WASF2: variants seen among roughly 807,000 people sequenced by gnomAD.
The protein encoded by WASF2 is actin-binding protein WASF2.
Under a neutral mutation model 45.0 loss-of-function variants are expected in WASF2, and 14 were observed. That is an observed-to-expected ratio of 0.31 (90% CI 0.21 to 0.49). The LOEUF is 0.49. WASF2 is among the 20% of genes least tolerant of loss of function. The pLI is 0.99. For synonymous variants in WASF2, 200 were observed against 236.3 expected (o/e 0.85, Z 1.41); for missense variants, 439 against 636.1 (o/e 0.69, Z 3.33).
intron 2 of WASF2, among the ~76,000 whole-genome samples, chr1:27,422,247 T>A (rs539667388): frequency 2.8e-4 from 43 of 152,252 alleles, no homozygotes; most frequent in Admixed American, 2.2e-3. Flanking sequence ...GTGTGAAGGC[T>A]TCCCCACTAT....
intron 4 of WASF2, 92 bp downstream of exon 4, chr1:27,418,177 A>G: frequency 7.0e-7 from 1 of 1,420,908 alleles, no homozygotes; most frequent in Non-Finnish European, 9.4e-7. Flanking sequence ...TTTTAGATAC[A>G]ATCCTCTGAT....
In WASF2 at chr1:27,418,999, G is replaced by T. The variant is rs781351426; in HGVS notation, c.220C>A (p.Arg74=). The T allele has an allele frequency of 3.7e-6, 6 of 1,613,824 alleles. No homozygotes were observed. The highest frequency in any genetic ancestry group is 5.1e-6 in the Non-Finnish European group (6 of 1,179,944). ...AGCTGAGTGACTTTAACCTGTAGTC[G>T]GTCGACCCTCTCAGCAAGGGAGCTT... ...RVSSLAERVD[R]LQVKVTQLDP... is the part of the protein sequence containing the mutation. Residue 74 remains arginine (R), a synonymous_variant, in exon 3 of 9, where the codon CGA becomes AGA. Coordinates refer to ENST00000618852, the MANE Select transcript of WASF2 (RefSeq NM_006990.5).
intron 1 of WASF2, among the ~76,000 whole-genome samples, chr1:27,429,869 A>C (rs541158605): frequency 2.0e-5 from 3 of 152,296 alleles, no homozygotes; most frequent in Non-Finnish European, 4.4e-5. Flanking sequence ...TAAAGTAAAA[A>C]TTTTACACAT....
intron 8 of WASF2, 46 bp from the exon 9 acceptor site, chr1:27,408,392 T>C: frequency 1.2e-6 from 2 of 1,611,814 alleles, no homozygotes; most frequent in Middle Eastern, 1.7e-4. Flanking sequence ...GTCCTCAGCC[T>C]TGGAATCCAT....
intron 8 of WASF2, 121 bp from the exon 9 acceptor site, chr1:27,408,467 G>A (rs2016710923): frequency 7.4e-7 from 1 of 1,342,376 alleles, no homozygotes; most frequent in Non-Finnish European, 1.0e-6. Context: ...TAGAGAAAAA[G>A]AAGGTTGTTA....
chr1:27,465,571 A>G (rs2017602797), intron 1 of WASF2, among the ~76,000 whole-genome samples: 1 of 152,216 alleles, frequency 6.6e-6, no homozygotes, highest in South Asian at 2.1e-4. Flanking sequence ...CACAAAACCT[A>G]TCTTCCCCTG....
intron 1 of WASF2, among the ~76,000 whole-genome samples, chr1:27,487,377 G>A (rs902899187): frequency 2.2e-5 from 3 of 138,002 alleles, no homozygotes; most frequent in Non-Finnish European, 3.0e-5. Context: ...GGGATTACAG[G>A]CGTGAGTCAC....
chr1:27,409,996 C>T lies in WASF2; in HGVS notation c.1035G>A (p.Gly345=), dbSNP rs2148097398. 6.2e-7 allele frequency: 1 copy of T among 1,613,474 alleles called. No homozygotes were observed. The highest frequency in any genetic ancestry group is 8.5e-7 in the Non-Finnish European group (1 of 1,179,838). ...ATGGGGGTGAGGGTGGTGGAGGCGTCCCTGGAGACCCAAATCCTACAGGCG... is the reference window on the plus strand; with the variant it reads ...ATGGGGGTGAGGGTGGTGGAGGCGTTCCTGGAGACCCAAATCCTACAGGCG... ...PPPPVGFGSP[G]TPPPPSPPSF... The change falls in exon 8 of 9, where the codon GGG becomes GGA. Residue 345 remains glycine (G), a synonymous_variant. Coordinates refer to ENST00000618852, the MANE Select transcript of WASF2 (RefSeq NM_006990.5).
chr1:27,477,467 C>A (rs1387071691), intron 1 of WASF2, among the ~76,000 whole-genome samples: 1 of 152,154 alleles, frequency 6.6e-6, no homozygotes. Flanking sequence ...TTGAACCAGG[C>A]AGGTGGAAGT....
chr1:27,421,167 C>T (rs950223402), intron 2 of WASF2, among the ~76,000 whole-genome samples: 2 of 152,184 alleles, frequency 1.3e-5, no homozygotes, highest in South Asian at 2.1e-4. Context: ...AACTATGGGA[C>T]GCTCCTGAGC....
chr1:27,456,333 A>C (rs2017467019), intron 1 of WASF2, among the ~76,000 whole-genome samples: 2 of 151,808 alleles, frequency 1.3e-5, no homozygotes, highest in South Asian at 4.2e-4. Flanking sequence ...AAAAAAAAAA[A>C]AAAAACAACA....
chr1:27,475,428 A>G (rs1236869682), intron 1 of WASF2, among the ~76,000 whole-genome samples: 2 of 152,130 alleles, frequency 1.3e-5, no homozygotes, highest in Non-Finnish European at 2.9e-5. Context: ...TCTGCCATCA[A>G]CAGTTCCTTC....
At position 27,407,909 on chromosome 1, in the gene WASF2, T is replaced by G. The variant is rs1386238028; in HGVS notation, c.*280A>C. 4 of 328,972 alleles carry G rather than the reference T, an allele frequency of 1.2e-5. No individual in the cohort carries two copies. Among genetic ancestry groups the G allele is most frequent in the South Asian group, 1.3e-4 (2 of 15,802 alleles). The allele number at this position is 328,972 out of a possible 1,614,324, so 20.4% of individuals were successfully genotyped here. A position where few individuals can be genotyped will look rare whatever the true frequency, so the allele number is the denominator to read the frequency against. On this transcript the variant is annotated 3_prime_UTR_variant, in exon 9 of 9. Transcript: ENST00000618852. ...CCGATCAAAGGAATCTGCTTTGGGA[T>G]TTCTCCTTCCTTTCAATATGCAACA...
chr1:27,454,297 C>A (rs2017437689), intron 1 of WASF2, among the ~76,000 whole-genome samples: 1 of 149,996 alleles, frequency 6.7e-6, no homozygotes, highest in Non-Finnish European at 1.5e-5. Context: ...CTCAGGCAAT[C>A]CTCCTACTTC....
intron 8 of WASF2, 118 bp downstream of exon 8, chr1:27,409,574 C>T (rs1210905994): frequency 1.5e-6 from 2 of 1,325,738 alleles, no homozygotes; most frequent in Non-Finnish European, 1.9e-6. Flanking sequence ...TCTCTCCCCA[C>T]CCAATGAAAG....
Position 27,410,621 on chromosome 1 carries a change from G to T in WASF2, c.825-415C>A, listed in dbSNP as rs2016749719. ...CCAGTTTAAGGGTGCATGCAAGAAAGAACTGGAATAAAAATTCAAACACCA... is the reference window on the plus strand; with the variant it reads ...CCAGTTTAAGGGTGCATGCAAGAAATAACTGGAATAAAAATTCAAACACCA... On this transcript the variant is annotated intron_variant, in intron 7 of 8. Coordinates refer to ENST00000618852, the MANE Select transcript of WASF2 (RefSeq NM_006990.5). The surrounding 1 kb of genome is among the most constrained non-coding windows in gnomAD (Gnocchi z 4.2). 6.6e-6 allele frequency among the ~76,000 whole-genome samples: 1 copy of T among 152,186 alleles called. No homozygotes were observed. The highest frequency in any genetic ancestry group is 1.5e-5 in the Non-Finnish European group (1 of 68,032).
At position 27,410,327 on chromosome 1, in the gene WASF2, A is replaced by G; in HGVS notation, c.825-121T>C. The G allele has an allele frequency of 6.8e-7, 1 of 1,469,816 alleles. No homozygotes were observed. The highest frequency in any genetic ancestry group is 2.4e-5 in the Admixed American group (1 of 41,900). The allele number at this position is 1,469,816 out of a possible 1,614,324, so 91.0% of individuals were successfully genotyped here. A position where few individuals can be genotyped will look rare whatever the true frequency, so the allele number is the denominator to read the frequency against. The stretch of plus-strand genomic sequence containing the variant: ...TGACTATACCATTTCACTTTCACTT[A>G]AACAGAAAGAAAAGCCTACAGATGG... On this transcript the variant is annotated intron_variant, in intron 7 of 8. Coordinates refer to ENST00000618852, the MANE Select transcript of WASF2 (RefSeq NM_006990.5). The surrounding 1 kb of genome is among the most constrained non-coding windows in gnomAD (Gnocchi z 4.2).
rs1368110562 is a variant in WASF2 at position 27,471,935 on chromosome 1, T to C, written c.-44+18051A>G. On this transcript the variant is annotated intron_variant, in intron 1 of 8. Coordinates refer to ENST00000618852, the MANE Select transcript of WASF2 (RefSeq NM_006990.5). ...GCGACCTACCTAGTAGTTCAAACTT[T>C]CATCACTGCCTAGATTTCTGCAGTA... Among the ~76,000 whole-genome samples the C allele has an allele frequency of 2.6e-5, 4 of 152,214 alleles. No homozygotes were observed. The South Asian group carries it at 6.2e-4, about 24-fold the overall frequency.
Position 27,408,142 on chromosome 1 carries a change from G to A in WASF2, c.*47C>T, listed in dbSNP as rs762457809. ...TCTGTTGGGGTTGGCATCAAAGAAGGCAGGTAGGAAGGAAAGAAAAAGAAG... is the reference window on the plus strand; with the variant it reads ...TCTGTTGGGGTTGGCATCAAAGAAGACAGGTAGGAAGGAAAGAAAAAGAAG... On this transcript the variant is annotated 3_prime_UTR_variant, in exon 9 of 9. Transcript: ENST00000618852. 1.3e-6 allele frequency: 2 copies of A among 1,590,738 alleles called. No homozygotes were observed. Among genetic ancestry groups the A allele is most frequent in the East Asian group, 2.2e-5 (1 of 44,462 alleles).
Sources: gnomAD v4.1 joint callset for allele counts (sites outside exome capture counted in the v4.1 genomes callset) on GRCh38, gnomAD v4.1.1 for gene constraint, Gnocchi (gnomAD v3.1) non-coding constraint, MANE v1.5 for transcripts, NCBI Gene and HGNC (gene_info 2026-07-23, HGNC 2026-07-21) for gene names.